The following GON4L variants were observed in gnomAD, a reference collection of about 807,000 sequenced individuals.
The protein encoded by GON4L is GON-4-like protein.
In GON4L, 87 loss-of-function variants were observed where a neutral mutation model predicts 211.8. That is an observed-to-expected ratio of 0.41 (90% confidence interval 0.35 to 0.49). The LOEUF is 0.49. Among genes scored for constraint, GON4L ranks in the 20% least tolerant of loss-of-function variants. The pLI, the probability that GON4L is intolerant of heterozygous loss-of-function variation, is 0.15. For missense variants in GON4L, 2,155 were observed against 2,659.5 expected, an observed-to-expected ratio of 0.81 and a Z score of 4.17; for synonymous variants, 875 against 962.6, an observed-to-expected ratio of 0.91 and a Z score of 1.68.
rs760081521 is a variant in GON4L, at chr1:155,783,940, T to TA, written c.1892+45dup. ...CAACTTCTGAAAACCTTTTCAGAAA[T>TA]AAACTTTTCCTCTATTCCAAATCTC... is the stretch of plus-strand genomic sequence containing the variant. On this transcript the variant is annotated intron_variant, in intron 14 of 31. Coordinates refer to ENST00000368331, the MANE Select transcript of GON4L (RefSeq NM_001282860.2). The TA allele has an allele frequency of 8.7e-6, 14 of 1,610,436 alleles. No homozygotes were observed. The South Asian group carries it at 1.5e-4, about 18-fold the overall frequency.
intron 16 of GON4L, among the ~76,000 whole-genome samples, chr1:155,775,400 G>A (rs1329540928): frequency 1.3e-5 from 2 of 151,822 alleles, no homozygotes; most frequent in South Asian, 2.1e-4. Flanking sequence ...GAAACACTAA[G>A]GAATATATGG....
chr1:155,747,647 G>C (rs538960875), downstream of GON4L: 13 of 1,613,992 alleles, frequency 8.1e-6, no homozygotes, highest in East Asian at 2.7e-4. Context: ...AGGACAGGCT[G>C]CATTTCTACG....
At chr1:155,778,712 G>T (rs1473255316) in intron 14 of GON4L, among the ~76,000 whole-genome samples, 1 of 151,968 alleles carries the variant, frequency 6.6e-6, no homozygotes, top group African/African-American at 2.4e-5. Context: ...CCCTTCCCCC[G>T]CTCCCCCAAC....
chr1:155,789,107 A>T (rs1571748396), intron 12 of GON4L, among the ~76,000 whole-genome samples: 1 of 150,074 alleles, frequency 6.7e-6, no homozygotes, highest in African/African-American at 2.5e-5. Context: ...AAAAAAAATC[A>T]GAACAGTGGT....
At chr1:155,782,845 A>G (rs1664561032) in intron 14 of GON4L, among the ~76,000 whole-genome samples, 1 of 151,972 alleles carries the variant, frequency 6.6e-6, no homozygotes, top group Non-Finnish European at 1.5e-5. Context: ...TTTTTAGTAG[A>G]GATGGGGTTT....
At chr1:155,768,880 C>G (rs1662857439) in intron 19 of GON4L, among the ~76,000 whole-genome samples, 1 of 152,194 alleles carries the variant, frequency 6.6e-6, no homozygotes, top group Non-Finnish European at 1.5e-5. Context: ...GGTGCTAAGG[C>G]ACTTGATAAA....
intron 2 of GON4L, among the ~76,000 whole-genome samples, chr1:155,845,196 C>T (rs1671119443): frequency 6.6e-6 from 1 of 152,196 alleles, no homozygotes. Flanking sequence ...GAACAAAACC[C>T]TGATCAAAAC....
At chr1:155,846,739 C>A (rs151217115) in intron 2 of GON4L, 1 of 152,022 alleles carries the variant, frequency 6.6e-6, no homozygotes, top group Non-Finnish European at 1.5e-5. Context: ...GGGCCAGGCA[C>A]GGTAGCTCAC....
chr1:155,766,412 T>A lies in GON4L; in HGVS notation c.3061A>T (p.Thr1021Ser). 6.2e-7 allele frequency: 1 copy of A among 1,614,034 alleles called. No individual in the cohort carries two copies. Among genetic ancestry groups the A allele is most frequent in the Non-Finnish European group, 8.5e-7 (1 of 1,180,014 alleles). ...SLQPSFNPGK[T>S]PARSTHSEAP... ...TCTGAATGAGTTGATCGGGCTGGTG[T>A]TTTCCCAGGGTTGAAGCTGGGCTGG... is the stretch of plus-strand genomic sequence containing the variant. The change falls in exon 21 of 32, where the codon ACA becomes TCA. Residue 1021 changes from threonine to serine, a missense_variant. This residue lies in a region of GON4L where 615 missense variants were observed against 625.7 expected (regional missense o/e 0.98). Coordinates refer to ENST00000368331, the MANE Select transcript of GON4L (RefSeq NM_001282860.2).
chr1:155,802,312 T>TGGGG (rs112512680), intron 11 of GON4L, among the ~76,000 whole-genome samples: 230 of 136,944 alleles, frequency 1.7e-3, no homozygotes, highest in Middle Eastern at 8.1e-3. Context: ...ACATTTTCCT[T>TGGGG]GGGGGGGGGG....
At chr1:155,793,263 T>C (rs1049060282) in intron 12 of GON4L, among the ~76,000 whole-genome samples, 1 of 152,200 alleles carries the variant, frequency 6.6e-6, no homozygotes, top group African/African-American at 2.4e-5. Flanking sequence ...AAATGAAAGA[T>C]CTTCACAAAG....
intron 2 of GON4L, among the ~76,000 whole-genome samples, chr1:155,834,747 A>G (rs1323201160): frequency 6.6e-6 from 1 of 152,158 alleles, no homozygotes; most frequent in Non-Finnish European, 1.5e-5. Flanking sequence ...GTTACCTTAT[A>G]TGGTTTAAAA....
At chr1:155,852,205 G>A (rs994133337) in intron 2 of GON4L, among the ~76,000 whole-genome samples, 4 of 147,774 alleles carry the variant, frequency 2.7e-5, no homozygotes, top group Middle Eastern at 3.6e-3. Context: ...CCCACCACCT[G>A]TTCCAAGCAA....
Position 155,752,117 on chromosome 1 carries a change from T to C in GON4L, c.6316A>G (p.Thr2106Ala), listed in dbSNP as rs1425047149. ...CCCCCTCTAGGGGCTTTGGGAGAAGTCTCTGAGGTGTCAATTCCTGATGGA... is the reference window on the plus strand; with the variant it reads ...CCCCCTCTAGGGGCTTTGGGAGAAGCCTCTGAGGTGTCAATTCCTGATGGA... ...ESPSGIDTSE[T>A]SPKAPRGGLA... Residue 2106 changes from threonine to alanine, a missense_variant, in exon 30 of 32, where the codon ACT (threonine) becomes GCT (alanine). Transcript: ENST00000368331. 6 of 1,613,290 alleles carry C rather than the reference T, an allele frequency of 3.7e-6. No individual in the cohort carries two copies. The highest frequency in any genetic ancestry group is 5.1e-6 in the Non-Finnish European group (6 of 1,179,486).
intron 3 of GON4L, among the ~76,000 whole-genome samples, chr1:155,824,178 T>C (rs822478): frequency 0.48 from 72,721 of 151,404 alleles, 21,678 homozygotes; most frequent in Middle Eastern, 0.68. Flanking sequence ...GACCCAGCAC[T>C]TTGGGAAGCC....
intron 10 of GON4L, among the ~76,000 whole-genome samples, chr1:155,812,558 ATT>A (rs763363461): frequency 3.5e-5 from 5 of 144,790 alleles, no homozygotes; most frequent in African/African-American, 5.1e-5. Context: ...CTGTATCCTG[ATT>A]TTTTTTTTTT....
chr1:155,753,860 C>T (rs768317859), intron 28 of GON4L, among the ~76,000 whole-genome samples: 28 of 151,880 alleles, frequency 1.8e-4, no homozygotes, highest in Non-Finnish European at 3.1e-4. Context: ...CCCAGCTATT[C>T]CTCCAAGGAT....
chr1:155,844,955 T>A (rs1671091114), intron 2 of GON4L, among the ~76,000 whole-genome samples: 1 of 152,166 alleles, frequency 6.6e-6, no homozygotes, highest in African/African-American at 2.4e-5. Context: ...TTCCAACACA[T>A]CCTTGTTCTG....
chr1:155,823,981 C>T (rs1183226399), intron 3 of GON4L, among the ~76,000 whole-genome samples: 1 of 152,088 alleles, frequency 6.6e-6, no homozygotes, highest in African/African-American at 2.4e-5. Flanking sequence ...TTTAGTATTT[C>T]AAAAGAATTT....
Sources: allele counts gnomAD v4.1 joint callset (sites outside exome capture counted in the v4.1 genomes callset), GRCh38; gene constraint gnomAD v4.1.1; regional missense constraint gnomAD v4.1.1; transcripts MANE v1.5; gene names NCBI Gene and HGNC (gene_info 2026-07-23, HGNC 2026-07-21).